Variants in BTBD16 observed in about 807,000 individuals in gnomAD.
The protein encoded by BTBD16 is BTB domain containing 16.
Under a neutral mutation model 67.4 loss-of-function variants are expected in BTBD16, and 66 were observed. That is an observed-to-expected ratio of 0.98 (90% CI 0.80 to 1.20). BTBD16 has a LOEUF of 1.20. Among genes scored for constraint, BTBD16 ranks in the 50% most tolerant of loss-of-function variants. The pLI is 0.00. For synonymous variants in BTBD16, 242 were observed against 236.4 expected, an observed-to-expected ratio of 1.02 and a Z score of -0.22; for missense variants, 634 against 616.0, an observed-to-expected ratio of 1.03 and a Z score of -0.31.
At position 122,274,913 on chromosome 10, in the gene BTBD16, A is replaced by C. The variant is rs1487951374; in HGVS notation, c.-42-127A>C. On this transcript the variant is annotated intron_variant, in intron 1 of 15. Transcript: ENST00000260723. ...ACAACAAGATATTCTCTTGATTGAT[A>C]AATAACCCACATTCGAGGCTTATTC... 6.3e-6 allele frequency: 4 copies of C among 634,744 alleles called. No homozygotes were observed. In the African/African-American group the frequency reaches 7.4e-5, roughly 12 times the overall value. The allele number at this position is 634,744 out of a possible 1,614,324, so 39.3% of individuals were successfully genotyped here. A position where few individuals can be genotyped will look rare whatever the true frequency, so the allele number is the denominator to read the frequency against.
At chr10:122,300,081 A>T (rs1387313236) in intron 9 of BTBD16, among the ~76,000 whole-genome samples, 1 of 152,160 alleles carries the variant, frequency 6.6e-6, no homozygotes, top group Non-Finnish European at 1.5e-5. Context: ...CGGGCTTTTT[A>T]GGTTATTTCT....
In BTBD16 at chr10:122,335,024, T is replaced by C. The variant is rs763703467; in HGVS notation, c.1263+45T>C. ...AAGTTATGTCTCTGAGACAGTCTTTTAGAGTTAGAGTCAATTCATGTTGAA... is the reference window on the plus strand; with the variant it reads ...AAGTTATGTCTCTGAGACAGTCTTTCAGAGTTAGAGTCAATTCATGTTGAA... On this transcript the variant is annotated intron_variant, in intron 14 of 15. Transcript: ENST00000260723. 5 of 883,516 alleles carry C rather than the reference T, an allele frequency of 5.7e-6. No individual in the cohort carries two copies. The East Asian group carries it at 8.0e-5, about 14-fold the overall frequency. 54.7% of individuals were successfully genotyped at this position (883,516 alleles called of 1,614,324 possible). A position where few individuals can be genotyped will look rare whatever the true frequency, so the allele number is the denominator to read the frequency against.
intron 2 of BTBD16, 145 bp from the exon 3 acceptor site, chr10:122,276,646 T>C (rs985507859): frequency 9.4e-7 from 1 of 1,065,956 alleles, no homozygotes; most frequent in Non-Finnish European, 1.3e-6. Flanking sequence ...TTGAGTTGTC[T>C]TGTGAGAAAT....
chr10:122,275,914 T>C (rs541751033), intron 2 of BTBD16, among the ~76,000 whole-genome samples: 1 of 152,284 alleles, frequency 6.6e-6, no homozygotes, highest in African/African-American at 2.4e-5. Flanking sequence ...CCCATGAATA[T>C]TCACAGCACT....
chr10:122,273,341 A>G (rs2096333493), intron 1 of BTBD16, among the ~76,000 whole-genome samples: 1 of 151,892 alleles, frequency 6.6e-6, no homozygotes, highest in Non-Finnish European at 1.5e-5. Context: ...AATAATGTGT[A>G]TGCATATTGT....
intron 10 of BTBD16, among the ~76,000 whole-genome samples, chr10:122,309,185 G>C (rs981945529): frequency 6.6e-6 from 1 of 152,020 alleles, no homozygotes; most frequent in African/African-American, 2.4e-5. Context: ...GGAGTACAGT[G>C]GCGTGATCAT....
At chr10:122,303,353 G>A (rs112088068) in intron 9 of BTBD16, among the ~76,000 whole-genome samples, 11 of 152,270 alleles carry the variant, frequency 7.2e-5, no homozygotes, top group Non-Finnish European at 1.2e-4. Context: ...TGTTCTCATC[G>A]TGATTGTAAC....
At chr10:122,310,535 A>G (rs925361292) in intron 10 of BTBD16, among the ~76,000 whole-genome samples, 21 of 152,236 alleles carry the variant, frequency 1.4e-4, no homozygotes, top group African/African-American at 4.8e-4. Context: ...GTTGAGCTAC[A>G]AAGTTCAAAG....
chr10:122,297,470 CCT>C (rs1349078016), intron 7 of BTBD16, among the ~76,000 whole-genome samples: 2 of 152,320 alleles, frequency 1.3e-5, no homozygotes, highest in East Asian at 3.9e-4. Context: ...TAAAATCAAA[CCT>C]CATCTCAGCA....
At chr10:122,333,948 T>C (rs1447622851) in intron 13 of BTBD16, among the ~76,000 whole-genome samples, 2 of 152,190 alleles carry the variant, frequency 1.3e-5, no homozygotes, top group Non-Finnish European at 2.9e-5. Flanking sequence ...CAAAATAATA[T>C]AAATTACAAT....
chr10:122,296,117 T>G (rs1206611661), intron 7 of BTBD16, among the ~76,000 whole-genome samples: 1 of 151,968 alleles, frequency 6.6e-6, no homozygotes, highest in African/African-American at 2.4e-5. Flanking sequence ...CGATGCAAAC[T>G]AGATAACAGT....
chr10:122,315,581 T>C (rs146792661), intron 10 of BTBD16, among the ~76,000 whole-genome samples: 2,817 of 152,346 alleles, frequency 0.018, 44 homozygotes, highest in Middle Eastern at 0.078. Context: ...TGGGAGAGAC[T>C]GCTGTTCTGT....
In BTBD16 at chr10:122,289,952, G is replaced by T; in HGVS notation, c.429G>T (p.Arg143Ser). ...KKTKEKSPAK[R>S]IIISLKINDP... ...CCAAAGAAAAATCCCCTGCAAAGAG[G>T]ATCATCATTTCCTTGAAGATCAATG... Residue 143 changes from arginine to serine, a missense_variant, in exon 6 of 16, where the codon AGG becomes AGT. By Grantham distance (110) the Arg-to-Ser change is moderately radical. Coordinates refer to ENST00000260723, the MANE Select transcript of BTBD16 (RefSeq NM_144587.5). 1 of 1,613,764 alleles carries T rather than the reference G, an allele frequency of 6.2e-7. No homozygotes were observed. The highest frequency in any genetic ancestry group is 8.5e-7 in the Non-Finnish European group (1 of 1,179,896).
At chr10:122,324,069 A>G (rs190899630) in intron 10 of BTBD16, among the ~76,000 whole-genome samples, 2 of 152,318 alleles carry the variant, frequency 1.3e-5, no homozygotes, top group East Asian at 3.9e-4. Context: ...CCCAACTTCT[A>G]GATTCCCCTG....
intron 3 of BTBD16, among the ~76,000 whole-genome samples, chr10:122,280,210 A>G (rs60915500): frequency 0.037 from 5,600 of 152,308 alleles, 338 homozygotes; most frequent in African/African-American, 0.13. Context: ...TGTGAGAATT[A>G]TATGACATGA....
At chr10:122,284,641 G>A (rs2096359825) in intron 4 of BTBD16, among the ~76,000 whole-genome samples, 1 of 149,264 alleles carries the variant, frequency 6.7e-6, no homozygotes, top group African/African-American at 2.5e-5. Flanking sequence ...AAGGTTCATT[G>A]AGCCTCATGA....
intron 12 of BTBD16, chr10:122,332,161 CCCCATGCA>C: frequency 1.1e-5 from 4 of 379,272 alleles, no homozygotes; most frequent in Non-Finnish European, 1.9e-5. Context: ...ATCATCTCTG[CCCCATGCA>C]CACATTTTAT....
In BTBD16 at chr10:122,291,664, TAA is replaced by T. The variant is rs368692458; in HGVS notation, c.590+472_590+473del. 6.3e-4 allele frequency: 96 copies of T among 153,164 alleles called. 1 individual carries two copies. In the East Asian group the frequency reaches 0.017, roughly 28 times the overall value. The allele number at this position is 153,164 out of a possible 1,614,324, so 9.5% of individuals were successfully genotyped here. ...CCTACATTTTCCTGCTCATTTGAGATAAAGTCTTGTTTTTTCTTGTAAATAAT... is the reference window on the plus strand; with the variant it reads ...CCTACATTTTCCTGCTCATTTGAGATAGTCTTGTTTTTTCTTGTAAATAAT... On this transcript the variant is annotated intron_variant, in intron 7 of 15. Coordinates refer to ENST00000260723, the MANE Select transcript of BTBD16 (RefSeq NM_144587.5).
At chr10:122,330,526 A>G (rs2096453447) in intron 11 of BTBD16, among the ~76,000 whole-genome samples, 1 of 152,188 alleles carries the variant, frequency 6.6e-6, no homozygotes, top group South Asian at 2.1e-4. Flanking sequence ...GGTACCTTCC[A>G]GGGTTCACTG....
Sources: gnomAD v4.1 joint callset for allele counts (sites outside exome capture counted in the v4.1 genomes callset) on GRCh38, gnomAD v4.1.1 for gene constraint, MANE v1.5 for transcripts, NCBI Gene and HGNC (gene_info 2026-07-23, HGNC 2026-07-21) for gene names.